The following ZNF618 variants were observed in gnomAD, a reference collection of about 807,000 sequenced individuals.
The protein encoded by ZNF618 is neural precursor cell expressed, developmentally down-regulated 10.
ZNF618 carries 34 observed loss-of-function variants against 103.0 expected under a neutral mutation model. The ratio of observed to expected loss-of-function variants is 0.33; its 90% CI spans 0.25 to 0.44. The LOEUF is 0.44. Ranked by LOEUF, ZNF618 falls within the 20% of genes least tolerant of loss-of-function variation. ZNF618 has a pLI of 1.00. For missense variants in ZNF618, 1,059 were observed against 1,295.4 expected (o/e 0.82, Z 2.80); for synonymous variants, 551 against 542.2 (o/e 1.02, Z -0.23).
At chr9:113,895,023 TAGTG>T (rs916718549) in intron 1 of ZNF618, among the ~76,000 whole-genome samples, 2 of 152,198 alleles carry the variant, frequency 1.3e-5, no homozygotes, top group Non-Finnish European at 2.9e-5. Context: ...TTTCTTTTCT[TAGTG>T]AGAAGGATTC....
rs760251905 is a variant in ZNF618 at position 114,008,484 on chromosome 9, C to T, written c.684C>T (p.Phe228=). ...EGAPENRADP[F]DQGVVATDEV... ...CCGTGTGTTCTCCCACAGACCCCTT[C>T]GACCAAGGTGTCGTGGCCACGGACG... The change falls in exon 9 of 15, where the codon TTC becomes TTT. Residue 228 remains phenylalanine (F), a synonymous_variant. Coordinates refer to ENST00000374126, the MANE Select transcript of ZNF618 (RefSeq NM_001318042.2). 1.4e-5 allele frequency: 22 copies of T among 1,613,826 alleles called. No individual in the cohort carries two copies. The highest frequency in any genetic ancestry group is 1.6e-4 in the Middle Eastern group (1 of 6,084).
chr9:113,896,666 ATATT>A (rs1378732932), intron 1 of ZNF618, among the ~76,000 whole-genome samples: 1 of 151,992 alleles, frequency 6.6e-6, no homozygotes, highest in African/African-American at 2.4e-5. Context: ...GGCCTTAGAT[ATATT>A]ATTAAGTTTT....
At chr9:113,917,774 G>C (rs1314649609) in intron 1 of ZNF618, among the ~76,000 whole-genome samples, 1 of 152,046 alleles carries the variant, frequency 6.6e-6, no homozygotes, top group Non-Finnish European at 1.5e-5. Context: ...CTTTGATTTC[G>C]AAAGATTTCA....
rs60878761 is a variant in ZNF618, at chr9:114,045,705, C to A, written c.1247-2188C>A. On this transcript the variant is annotated intron_variant, in intron 13 of 14. Transcript: ENST00000374126. The stretch of plus-strand genomic sequence containing the variant: ...TGTTTTGGCTATTCTGTATCTCTTG[C>A]ATTTCCATATGAATTTCAGGATCAG... Among the ~76,000 whole-genome samples, 406 of 152,038 alleles carry A rather than the reference C, an allele frequency of 2.7e-3. 7 individuals are homozygous for A. In the East Asian group the frequency reaches 0.042, roughly 16 times the overall value.
Position 114,050,536 on chromosome 9 carries a change from AGGAAAGCTGAGCG to A in ZNF618, c.*370_*382del, listed in dbSNP as rs1846070688. 1 of 172,132 alleles carries A rather than the reference AGGAAAGCTGAGCG, an allele frequency of 5.8e-6. No individual in the cohort carries two copies. The highest frequency in any genetic ancestry group is 2.0e-4 in the South Asian group (1 of 5,116). 10.7% of individuals were successfully genotyped at this position (172,132 alleles called of 1,614,324 possible). ...GGGTGTGCATTGAACTGGGCGTGTC[AGGAAAGCTGAGCG>A]ATTGGGAAAGAGGGAGATGTTTCAC... On this transcript the variant is annotated 3_prime_UTR_variant, in exon 15 of 15. Transcript: ENST00000374126.
chr9:113,968,002 T>A (rs1420194628), intron 1 of ZNF618, among the ~76,000 whole-genome samples: 1 of 152,188 alleles, frequency 6.6e-6, no homozygotes, highest in East Asian at 1.9e-4. Flanking sequence ...TTTTGCCAGT[T>A]TGCAACTTCT....
At chr9:114,023,657 A>G (rs1008083878) in intron 10 of ZNF618, among the ~76,000 whole-genome samples, 1 of 152,114 alleles carries the variant, frequency 6.6e-6, no homozygotes, top group Non-Finnish European at 1.5e-5. Flanking sequence ...TTGTAGGTCT[A>G]TTGGTGAAAG....
chr9:114,001,668 C>T (rs901409245), intron 4 of ZNF618, among the ~76,000 whole-genome samples: 1 of 152,184 alleles, frequency 6.6e-6, no homozygotes, highest in Non-Finnish European at 1.5e-5. Flanking sequence ...TTATTCCTTT[C>T]AGAGCACTTT....
chr9:114,009,036 T>A (rs868093384), intron 9 of ZNF618, among the ~76,000 whole-genome samples: 2 of 152,322 alleles, frequency 1.3e-5, no homozygotes, highest in Middle Eastern at 3.4e-3. Context: ...AGGCAGACTC[T>A]CTGTCTCTGT....
At position 114,008,560 on chromosome 9, in the gene ZNF618, C is replaced by T. The variant is rs768671336; in HGVS notation, c.754+6C>T. Reference sequence around the variant, plus strand: ...ATTCCAGAAAATCGGGCCAAGTATGCGGGATTCCCTCTGGGGCCAAGGGCT... The same window carrying T: ...ATTCCAGAAAATCGGGCCAAGTATGTGGGATTCCCTCTGGGGCCAAGGGCT... On this transcript the variant is annotated splice_donor_region_variant and intron_variant, in intron 9 of 14. Coordinates refer to ENST00000374126, the MANE Select transcript of ZNF618 (RefSeq NM_001318042.2). 2.0e-5 allele frequency: 33 copies of T among 1,613,490 alleles called. No individual in the cohort carries two copies. The highest frequency in any genetic ancestry group is 1.6e-4 in the Middle Eastern group (1 of 6,082).
chr9:113,987,311 T>C lies in ZNF618; in HGVS notation c.78-1010T>C, dbSNP rs545128688. 6.6e-4 allele frequency among the ~76,000 whole-genome samples: 101 copies of C among 152,268 alleles called. 1 individual carries two copies. The highest frequency in any genetic ancestry group is 2.1e-3 in the South Asian group (10 of 4,820). On this transcript the variant is annotated intron_variant, in intron 2 of 14. Coordinates refer to ENST00000374126, the MANE Select transcript of ZNF618 (RefSeq NM_001318042.2). Reference sequence around the variant, plus strand: ...GGACCTGGCTTCCTGCCTTGGCCTGTCCCCAATTTTATGTCTGGCCTGAGC... The same window carrying C: ...GGACCTGGCTTCCTGCCTTGGCCTGCCCCCAATTTTATGTCTGGCCTGAGC...
At chr9:113,968,519 T>C (rs1554741094) in intron 1 of ZNF618, among the ~76,000 whole-genome samples, 1 of 152,124 alleles carries the variant, frequency 6.6e-6, no homozygotes, top group Non-Finnish European at 1.5e-5. Context: ...CCCTGGAGTT[T>C]GTTTTCATGA....
At chr9:113,907,275 G>A (rs182277407) in intron 1 of ZNF618, among the ~76,000 whole-genome samples, 2 of 152,340 alleles carry the variant, frequency 1.3e-5, no homozygotes, top group East Asian at 3.9e-4. Flanking sequence ...ACTGTAAGAT[G>A]GGATGCTGAG....
At chr9:113,930,711 T>TG (rs1564184101) in intron 1 of ZNF618, among the ~76,000 whole-genome samples, 1 of 152,218 alleles carries the variant, frequency 6.6e-6, no homozygotes, top group Non-Finnish European at 1.5e-5. Context: ...TCTGATTCCT[T>TG]GCCTTCCTCG....
intron 13 of ZNF618, among the ~76,000 whole-genome samples, chr9:114,038,126 G>T (rs1160789487): frequency 6.6e-6 from 1 of 152,220 alleles, no homozygotes; most frequent in Admixed American, 6.5e-5. Context: ...CAGTTGGCAG[G>T]CTGCTTGGGA....
chr9:114,029,522 T>C (rs1201008887), intron 11 of ZNF618, among the ~76,000 whole-genome samples: 1 of 152,162 alleles, frequency 6.6e-6, no homozygotes, highest in East Asian at 1.9e-4. Context: ...TCATTTCTCA[T>C]TGTGATCACA....
chr9:113,978,478 G>A (rs981507107), intron 2 of ZNF618, among the ~76,000 whole-genome samples: 5 of 152,190 alleles, frequency 3.3e-5, no homozygotes, highest in Admixed American at 3.3e-4. Context: ...TGGAAGAGGT[G>A]GGACCCTTCA....
intron 2 of ZNF618, among the ~76,000 whole-genome samples, chr9:113,972,152 A>G (rs949025573): frequency 2.0e-5 from 3 of 151,096 alleles, no homozygotes; most frequent in Admixed American, 6.6e-5. Context: ...GGCTCAAGCA[A>G]TCCTTCCATC....
At chr9:113,892,103 T>C (rs997349777) in intron 1 of ZNF618, among the ~76,000 whole-genome samples, 2 of 152,162 alleles carry the variant, frequency 1.3e-5, no homozygotes, top group Admixed American at 1.3e-4. Context: ...GGTGAGAGTT[T>C]CAGTTTTGTA....
Sources: allele counts gnomAD v4.1 joint callset (sites outside exome capture counted in the v4.1 genomes callset), GRCh38; gene constraint gnomAD v4.1.1; transcripts MANE v1.5; gene names NCBI Gene and HGNC (gene_info 2026-07-23, HGNC 2026-07-21).